Variants in GABRA5 observed in about 807,000 individuals in gnomAD.
GABRA5 encodes the protein gamma-aminobutyric acid receptor subunit alpha-5.
Under a neutral mutation model 47.3 loss-of-function variants are expected in GABRA5, and 18 were observed. The observed-to-expected ratio is 0.38, with a 90% CI of 0.26 to 0.56. The LOEUF is 0.56. GABRA5 is among the 20% of genes least tolerant of loss of function. The pLI is 0.71. For synonymous variants in GABRA5, 237 were observed against 229.3 expected, an observed-to-expected ratio of 1.03 and a Z score of -0.30; for missense variants, 365 against 599.3, an observed-to-expected ratio of 0.61 and a Z score of 4.08.
intron 7 of GABRA5, among the ~76,000 whole-genome samples, chr15:26,936,844 A>G (rs909905911): frequency 6.6e-6 from 1 of 152,216 alleles, no homozygotes; most frequent in Admixed American, 6.5e-5. Context: ...GGCACAGAGA[A>G]TAAGTGACCT....
intron 6 of GABRA5, among the ~76,000 whole-genome samples, chr15:26,894,446 C>A (rs1893127915): frequency 1.3e-5 from 2 of 152,126 alleles, no homozygotes. Flanking sequence ...GATCCCGGGC[C>A]CCTCCTTCCC....
At chr15:26,945,722 C>T (rs149685986) in intron 10 of GABRA5, among the ~76,000 whole-genome samples, 5 of 152,196 alleles carry the variant, frequency 3.3e-5, no homozygotes, top group African/African-American at 4.8e-5. Flanking sequence ...CTGGGGAGCA[C>T]GTCCTTCTGG....
chr15:26,924,893 A>G (rs1253408880), intron 7 of GABRA5, among the ~76,000 whole-genome samples: 1 of 152,208 alleles, frequency 6.6e-6, no homozygotes, highest in East Asian at 1.9e-4. Context: ...TGTGTAAGAC[A>G]GGAAGAAAAC....
chr15:26,924,598 T>C (rs1893915370), intron 7 of GABRA5, among the ~76,000 whole-genome samples: 1 of 152,136 alleles, frequency 6.6e-6, no homozygotes, highest in South Asian at 2.1e-4. Flanking sequence ...CTGGCCCCCT[T>C]AGTCTGTGGC....
intron 6 of GABRA5, among the ~76,000 whole-genome samples, chr15:26,902,560 G>A (rs924948720): frequency 1.4e-4 from 21 of 152,090 alleles, no homozygotes; most frequent in African/African-American, 4.3e-4. Context: ...ATACATAGAC[G>A]AGCATGCTCA....
rs960374140 is a variant in GABRA5, at chr15:26,867,813, G to A, written c.-140+702G>A. The A allele has an allele frequency of 1.3e-5, 2 of 152,070 alleles. No individual in the cohort carries two copies. Among genetic ancestry groups the A allele is most frequent in the African/African-American group, 4.8e-5 (2 of 41,432 alleles). 9.4% of individuals were successfully genotyped at this position (152,070 alleles called of 1,614,324 possible). A position where few individuals can be genotyped will look rare whatever the true frequency, so the allele number is the denominator to read the frequency against. On this transcript the variant is annotated intron_variant, in intron 1 of 10. Coordinates refer to ENST00000335625, the MANE Select transcript of GABRA5 (RefSeq NM_000810.4). The surrounding 1 kb of genome is among the most constrained non-coding windows in gnomAD (Gnocchi z 5.9). The stretch of plus-strand genomic sequence containing the variant: ...CTCGGACCCCGCGGGGGTGTCGCGC[G>A]CGTGTCGCGCGGGCTGCTCGAGGCC...
upstream of GABRA5, chr15:26,867,059 T>A (rs977524513): frequency 1.2e-4 from 19 of 152,056 alleles, no homozygotes; most frequent in African/African-American, 4.3e-4. The surrounding 1 kb of genome is among the most constrained non-coding windows in gnomAD (Gnocchi z 5.9). Context: ...CCGGAGCACC[T>A]CTGCAGAGGG....
chr15:26,877,097 G>A (rs1325499294), intron 3 of GABRA5, among the ~76,000 whole-genome samples: 3 of 152,200 alleles, frequency 2.0e-5, no homozygotes, highest in Non-Finnish European at 4.4e-5. Flanking sequence ...AGGGAGAACT[G>A]GGGGATTTTA....
At chr15:26,941,444 A>G (rs1011758643) in intron 9 of GABRA5, among the ~76,000 whole-genome samples, 2 of 152,202 alleles carry the variant, frequency 1.3e-5, no homozygotes, top group African/African-American at 4.8e-5. Context: ...TTTCTCAAAA[A>G]AAAAATCAAA....
chr15:26,881,603 C>T (rs1386477518), intron 4 of GABRA5, among the ~76,000 whole-genome samples: 4 of 152,210 alleles, frequency 2.6e-5, no homozygotes, highest in Non-Finnish European at 4.4e-5. Flanking sequence ...CTTGGCTCTA[C>T]AGTTTAGATG....
intron 3 of GABRA5, among the ~76,000 whole-genome samples, chr15:26,873,852 T>A (rs1189730542): frequency 6.6e-6 from 1 of 152,144 alleles, no homozygotes; most frequent in Non-Finnish European, 1.5e-5. Context: ...TCAGCGACCC[T>A]GGGAGAGCCA....
chr15:26,879,738 G>A (rs538589175), intron 3 of GABRA5, among the ~76,000 whole-genome samples: 1 of 152,208 alleles, frequency 6.6e-6, no homozygotes, highest in African/African-American at 2.4e-5. Flanking sequence ...TCTCTCCATG[G>A]CTGGTGGCTC....
chr15:26,879,902 G>A (rs749899633), intron 3 of GABRA5, among the ~76,000 whole-genome samples: 1 of 152,186 alleles, frequency 6.6e-6, no homozygotes, highest in African/African-American at 2.4e-5. Flanking sequence ...CTGGCTTTCA[G>A]TTTGGTAAGT....
intron 6 of GABRA5, among the ~76,000 whole-genome samples, chr15:26,884,465 T>C (rs1184623253): frequency 6.6e-6 from 1 of 152,028 alleles, no homozygotes; most frequent in Non-Finnish European, 1.5e-5. Context: ...CTTCAGAAAA[T>C]ATTTTTTAAA....
chr15:26,942,623 A>T (rs557898257), intron 9 of GABRA5, among the ~76,000 whole-genome samples: 20 of 152,138 alleles, frequency 1.3e-4, no homozygotes, highest in African/African-American at 4.3e-4. Flanking sequence ...CTCACTCTAC[A>T]CGTCTTTGTT....
chr15:26,935,465 C>T (rs1451515531), intron 7 of GABRA5, among the ~76,000 whole-genome samples: 3 of 152,206 alleles, frequency 2.0e-5, no homozygotes, highest in South Asian at 2.1e-4. Context: ...TTGCACCCAG[C>T]GAGGCCTCAG....
At chr15:26,874,215 T>C (rs537191490) in intron 3 of GABRA5, among the ~76,000 whole-genome samples, 13 of 152,264 alleles carry the variant, frequency 8.5e-5, no homozygotes, top group African/African-American at 2.9e-4. Context: ...AAAAGAAATC[T>C]CATCAGAGAA....
chr15:26,922,926 A>G (rs1893876731), intron 7 of GABRA5, among the ~76,000 whole-genome samples: 1 of 152,206 alleles, frequency 6.6e-6, no homozygotes, highest in South Asian at 2.1e-4. Flanking sequence ...GTGCTTGGCC[A>G]GTATTACTTT....
chr15:26,940,656 T>G (rs1894362849), intron 9 of GABRA5, among the ~76,000 whole-genome samples: 1 of 152,238 alleles, frequency 6.6e-6, no homozygotes, highest in South Asian at 2.1e-4. Flanking sequence ...GGCAGTTTTC[T>G]TTGAAATGTG....
Sources: allele counts gnomAD v4.1 joint callset (sites outside exome capture counted in the v4.1 genomes callset), GRCh38; gene constraint gnomAD v4.1.1; non-coding constraint Gnocchi (gnomAD v3.1); transcripts MANE v1.5; gene names NCBI Gene and HGNC (gene_info 2026-07-23, HGNC 2026-07-21).